Variants in RIPK3 observed in about 807,000 individuals in gnomAD.
RIPK3 encodes the protein receptor-interacting serine/threonine-protein kinase 3.
RIPK3 carries 51 observed loss-of-function variants against 51.6 expected under a neutral mutation model. The observed-to-expected ratio is 0.99, with a 90% CI of 0.79 to 1.25. The LOEUF (loss-of-function observed/expected upper bound fraction) is 1.25. RIPK3 is among the 50% of genes most tolerant of loss of function. The probability of loss-of-function intolerance (pLI) is 0.00; values close to 1 mark genes in which losing one functional copy is unlikely to be tolerated. For synonymous variants in RIPK3, 246 were observed against 257.7 expected (o/e 0.95, Z 0.44); for missense variants, 654 against 650.4 (o/e 1.01, Z -0.06).
chr14:24,336,812 C>T (rs761669760), intron 9 of RIPK3, 73 bp downstream of exon 9: 1 of 1,303,730 alleles, frequency 7.7e-7, no homozygotes, highest in South Asian at 1.2e-5. Context: ...TACCCTGAAT[C>T]TAGATATAGG....
Position 24,336,066 on chromosome 14 carries a change from CA to C in RIPK3, c.*108del, listed in dbSNP as rs1429785151. ...TTATTGACTCCTGGGGGACAGGTCA[CA>C]AAGTCAGTTTGTGGGCAGGCCAGAC... On this transcript the variant is annotated 3_prime_UTR_variant, in exon 10 of 10. Transcript: ENST00000216274. 2 of 1,135,798 alleles carry C rather than the reference CA, an allele frequency of 1.8e-6. No homozygotes were observed. The highest frequency in any genetic ancestry group is 3.1e-5 in the African/African-American group (2 of 64,070). The allele number at this position is 1,135,798 out of a possible 1,614,324, so 70.4% of individuals were successfully genotyped here.
chr14:24,339,612 T>C lies in RIPK3; in HGVS notation c.21-15A>G. The C allele has an allele frequency of 6.2e-7, 1 of 1,613,556 alleles. No homozygotes were observed. Among genetic ancestry groups the C allele is most frequent in the Non-Finnish European group, 8.5e-7 (1 of 1,179,766 alleles). ...CACCGCTGGGCCTGAGAGAGGGGTG[T>C]CGCCCACTAGCCGGCCGTGCCGTGC... On this transcript the variant is annotated splice_polypyrimidine_tract_variant and intron_variant, in intron 1 of 9. Transcript: ENST00000216274. The surrounding 1 kb of genome is among the most constrained non-coding windows in gnomAD (Gnocchi z 4.0).
Position 24,339,934 on chromosome 14 carries a change from G to T in RIPK3, c.-108C>A, listed in dbSNP as rs940763382. Reference sequence around the variant, plus strand: ...AGAGGGGAAGGGGTCTGTCTGTGCAGGGGTCAGTCTCTAGACCAAGACGGT... The same window carrying T: ...AGAGGGGAAGGGGTCTGTCTGTGCATGGGTCAGTCTCTAGACCAAGACGGT... On this transcript the variant is annotated 5_prime_UTR_variant, in exon 1 of 10. In the 5' UTR this introduces an upstream ATG that the reference lacks. Transcript: ENST00000216274. The surrounding 1 kb of genome is among the most constrained non-coding windows in gnomAD (Gnocchi z 4.0). 6.5e-6 allele frequency: 8 copies of T among 1,234,656 alleles called. No individual in the cohort carries two copies. The African/African-American group carries it at 1.1e-4, about 16-fold the overall frequency. 76.5% of individuals were successfully genotyped at this position (1,234,656 alleles called of 1,614,324 possible). A position where few individuals can be genotyped will look rare whatever the true frequency, so the allele number is the denominator to read the frequency against.
In RIPK3 at chr14:24,339,907, A is replaced by G; in HGVS notation, c.-81T>C. 1 of 1,427,982 alleles carries G rather than the reference A, an allele frequency of 7.0e-7. No homozygotes were observed. The highest frequency in any genetic ancestry group is 2.3e-5 in the East Asian group (1 of 43,500). The allele number at this position is 1,427,982 out of a possible 1,614,324, so 88.5% of individuals were successfully genotyped here. A position where few individuals can be genotyped will look rare whatever the true frequency, so the allele number is the denominator to read the frequency against. On this transcript the variant is annotated 5_prime_UTR_variant, in exon 1 of 10. Coordinates refer to ENST00000216274, the MANE Select transcript of RIPK3 (RefSeq NM_006871.4). The surrounding 1 kb of genome is among the most constrained non-coding windows in gnomAD (Gnocchi z 4.0). ...GACTTCTGGGGCTTGGTCCTTTCGC[A>G]GAGAGGGGAAGGGGTCTGTCTGTGC...
intron 9 of RIPK3, 146 bp downstream of exon 9, chr14:24,336,739 G>T: frequency 1.2e-6 from 1 of 859,526 alleles, no homozygotes. Context: ...GGGGGTGTCG[G>T]TTTTCCCATT....
In RIPK3 at chr14:24,337,107, A is replaced by G; in HGVS notation, c.1254T>C (p.Ser418=). ...MPSPTSTGTP[S]PGPRGNQGAE... is the part of the protein sequence containing the mutation. ...TCACCTGATTCCCTCGGGGTCCAGGACTTGGTGTTCCAGTTGAGGTAGGGC... is the reference window on the plus strand; with the variant it reads ...TCACCTGATTCCCTCGGGGTCCAGGGCTTGGTGTTCCAGTTGAGGTAGGGC... The change falls in exon 8 of 10, where the codon AGT becomes AGC. Residue 418 remains serine (S), a synonymous_variant. Transcript: ENST00000216274. 6.2e-7 allele frequency: 1 copy of G among 1,611,258 alleles called. No individual in the cohort carries two copies. Among genetic ancestry groups the G allele is most frequent in the Non-Finnish European group, 8.5e-7 (1 of 1,180,002 alleles).
rs755894900 is a variant in RIPK3, at chr14:24,336,249, C to A, written c.1483G>T (p.Gly495Cys). The A allele has an allele frequency of 6.2e-7, 1 of 1,614,090 alleles. No individual in the cohort carries two copies. The highest frequency in any genetic ancestry group is 8.5e-7 in the Non-Finnish European group (1 of 1,180,022). Residue 495 changes from glycine (G) to cysteine (C), a missense_variant, in exon 10 of 10, where the codon GGT becomes TGT. Physicochemically the swap from Gly to Cys is radical, Grantham distance 159. Coordinates refer to ENST00000216274, the MANE Select transcript of RIPK3 (RefSeq NM_006871.4). Reference sequence around the variant, plus strand: ...GGATCTTTAGGGCCTTCTTGCGAACCTACTGGTGGGGGGTGCTGCAAGCCC... The same window carrying A: ...GGATCTTTAGGGCCTTCTTGCGAACATACTGGTGGGGGGTGCTGCAAGCCC... ...GRGLQHPPPV[G>C]SQEGPKDPEA...
chr14:24,338,811 A>T, intron 3 of RIPK3: 1 of 676,506 alleles, frequency 1.5e-6, no homozygotes. Context: ...GGTGGAAATG[A>T]CTCGTGTGGC....
At position 24,339,393 on chromosome 14, in the gene RIPK3, C is replaced by T. The variant is rs2042167293; in HGVS notation, c.161+64G>A. The T allele has an allele frequency of 2.0e-5, 33 of 1,612,292 alleles. No individual in the cohort carries two copies. In the South Asian group the frequency reaches 3.6e-4, roughly 18 times the overall value. ...AAATCCCTCCCTTCGCCATTCAGGC[C>T]CCAGAGCACAGTGGCTCCACCTTTT... On this transcript the variant is annotated intron_variant, in intron 2 of 9. Coordinates refer to ENST00000216274, the MANE Select transcript of RIPK3 (RefSeq NM_006871.4). The surrounding 1 kb of genome is among the most constrained non-coding windows in gnomAD (Gnocchi z 4.0).
At position 24,339,526 on chromosome 14, in the gene RIPK3, C is replaced by T; in HGVS notation, c.92G>A (p.Gly31Glu). Residue 31 changes from glycine to glutamate, a missense_variant, in exon 2 of 10, where the codon GGG becomes GAG. Transcript: ENST00000216274. This position sits in a 1 kb window ranked among gnomAD's most constrained non-coding sequence, Gnocchi z 4.0. ...TTGCGCCCGGAACACTGTGCCGAAC[C>T]CGCCTTTGCCGACGAGCTCCTGGTT... Reference protein sequence around the residue: ...LENQELVGKGGFGTVFRAQHR... With the variant: ...LENQELVGKGEFGTVFRAQHR... The T allele has an allele frequency of 6.2e-7, 1 of 1,614,190 alleles. No homozygotes were observed. The highest frequency in any genetic ancestry group is 8.5e-7 in the Non-Finnish European group (1 of 1,180,020).
At chr14:24,336,511 G>C in intron 9 of RIPK3, 116 bp from the exon 10 acceptor site, 1 of 1,411,076 alleles carries the variant, frequency 7.1e-7, no homozygotes, top group South Asian at 1.4e-5. Flanking sequence ...GGTGTGCCCT[G>C]TGCTCCTCCC....
intron 3 of RIPK3, 48 bp from the exon 4 acceptor site, chr14:24,338,615 G>C (rs2042159222): frequency 2.6e-6 from 4 of 1,560,448 alleles, no homozygotes; most frequent in Non-Finnish European, 3.5e-6. Context: ...AAGGGGGCCA[G>C]AGAGCCTCCA....
Position 24,338,058 on chromosome 14 carries a change from G to A in RIPK3, c.665-18C>T, listed in dbSNP as rs2042153235. 6.2e-7 allele frequency: 1 copy of A among 1,614,080 alleles called. No individual in the cohort carries two copies. The highest frequency in any genetic ancestry group is 2.2e-5 in the East Asian group (1 of 44,882). ...GGTTGGCACTGGAGTAGGGGAGGAG[G>A]GTGAGAAGAGAAGGCATTCAGGGTA... On this transcript the variant is annotated intron_variant, in intron 5 of 9. Coordinates refer to ENST00000216274, the MANE Select transcript of RIPK3 (RefSeq NM_006871.4).
intron 8 of RIPK3, 23 bp from the exon 9 acceptor site, chr14:24,336,968 A>G: frequency 6.2e-7 from 1 of 1,612,172 alleles, no homozygotes; most frequent in African/African-American, 1.3e-5. Context: ...CAGAGCATCC[A>G]GTTCTGCCCT....
In RIPK3 at chr14:24,338,670, G is replaced by A. The variant is rs1463848265; in HGVS notation, c.472-103C>T. Reference sequence around the variant, plus strand: ...AAGGTGCAGGTTCAGCTTTGTAAAGGGAGTGTGGAGGTCAAGGGAAGAGGT... The same window carrying A: ...AAGGTGCAGGTTCAGCTTTGTAAAGAGAGTGTGGAGGTCAAGGGAAGAGGT... On this transcript the variant is annotated intron_variant, in intron 3 of 9. Coordinates refer to ENST00000216274, the MANE Select transcript of RIPK3 (RefSeq NM_006871.4). The A allele has an allele frequency of 4.8e-6, 7 of 1,458,080 alleles. No individual in the cohort carries two copies. The Admixed American group carries it at 1.1e-4, about 24-fold the overall frequency. The allele number at this position is 1,458,080 out of a possible 1,614,324, so 90.3% of individuals were successfully genotyped here.
rs758969147 is a variant in RIPK3, at chr14:24,339,050, A to T, written c.436T>A (p.Ser146Thr). The T allele has an allele frequency of 4.3e-6, 7 of 1,614,004 alleles. No individual in the cohort carries two copies. The South Asian group carries it at 6.6e-5, about 15-fold the overall frequency. Residue 146 changes from serine to threonine, a missense_variant, in exon 3 of 10, where the codon TCC (serine) becomes ACC (threonine). Physicochemically the swap from Ser to Thr is moderately conservative, Grantham distance 58 (BLOSUM62 1). Coordinates refer to ENST00000216274, the MANE Select transcript of RIPK3 (RefSeq NM_006871.4). The surrounding 1 kb of genome is among the most constrained non-coding windows in gnomAD (Gnocchi z 4.0). ...PVLLHRDLKP[S>T]NVLLDPELHV... ...AGCTCTGGGTCCAGCAGGACGTTGG[A>T]TGGCTTGAGGTCCCGGTGCAGGAGC...
chr14:24,337,282 G>C lies in RIPK3; in HGVS notation c.1079C>G (p.Ser360Cys). The change falls in exon 8 of 10, where the codon TCT becomes TGT. Residue 360 changes from serine (S) to cysteine (C), a missense_variant. Transcript: ENST00000216274. ...NKLNLEEPPS[S>C]VPKKCPSLTK... ...AAGGCTCGGGCATTTTTTAGGAACA[G>C]AGCTGGGAGGCTCCTCTAGATTCAG... 5.6e-6 allele frequency: 9 copies of C among 1,614,090 alleles called. No homozygotes were observed. The highest frequency in any genetic ancestry group is 7.6e-6 in the Non-Finnish European group (9 of 1,180,044).
chr14:24,337,282 G>A lies in RIPK3; in HGVS notation c.1079C>T (p.Ser360Phe), dbSNP rs2042146482. The change falls in exon 8 of 10, where the codon TCT (serine) becomes TTT (phenylalanine). Residue 360 changes from serine to phenylalanine, a missense_variant. Ser to Phe is a radical substitution (Grantham distance 155). Coordinates refer to ENST00000216274, the MANE Select transcript of RIPK3 (RefSeq NM_006871.4). ...AAGGCTCGGGCATTTTTTAGGAACA[G>A]AGCTGGGAGGCTCCTCTAGATTCAG... ...NKLNLEEPPS[S>F]VPKKCPSLTK... The A allele has an allele frequency of 6.2e-7, 1 of 1,614,090 alleles. No individual in the cohort carries two copies. Among genetic ancestry groups the A allele is most frequent in the African/African-American group, 1.3e-5 (1 of 75,038 alleles).
In RIPK3 at chr14:24,338,410, C is replaced by T. The variant is rs73591475; in HGVS notation, c.617+12G>A. 2,487 of 1,604,230 alleles carry T rather than the reference C, an allele frequency of 1.6e-3. 43 individuals carry two copies. In the African/African-American group the frequency reaches 0.03, roughly 19 times the overall value. ...AGGAATCCTGGCTGTGTGTTTGGGC[C>T]GGGATCCTTACCTGTAGACGTCACT... is the stretch of plus-strand genomic sequence containing the variant. On this transcript the variant is annotated intron_variant, in intron 4 of 9. Transcript: ENST00000216274.
Sources: gnomAD v4.1 joint callset for allele counts on GRCh38, gnomAD v4.1.1 for gene constraint, Gnocchi (gnomAD v3.1) non-coding constraint, MANE v1.5 for transcripts, NCBI Gene and HGNC (gene_info 2026-07-23, HGNC 2026-07-21) for gene names.